The following MITF variants were observed in gnomAD, a reference collection of about 807,000 sequenced individuals.
The protein encoded by MITF is microphthalmia-associated transcription factor.
In MITF, 17 loss-of-function variants were observed where a neutral mutation model predicts 60.5. That is an observed-to-expected ratio of 0.28 (90% CI 0.19 to 0.42). MITF has a LOEUF of 0.42. Ranked by LOEUF, MITF falls within the 10% of genes least tolerant of loss-of-function variation. The pLI, the probability that MITF is intolerant of heterozygous loss-of-function variation, is 1.00. For synonymous variants in MITF, 260 were observed against 248.5 expected, an observed-to-expected ratio of 1.05 and a Z score of -0.43; for missense variants, 622 against 683.5, an observed-to-expected ratio of 0.91 and a Z score of 1.00.
chr3:69,834,521 T>C (rs948649325), intron 1 of MITF, among the ~76,000 whole-genome samples: 2 of 152,334 alleles, frequency 1.3e-5, no homozygotes, highest in South Asian at 4.1e-4. Context: ...TTTTTATGGC[T>C]GAGTAATATT....
chr3:69,880,831 A>G (rs975467690), intron 2 of MITF, among the ~76,000 whole-genome samples: 2 of 152,078 alleles, frequency 1.3e-5, no homozygotes, highest in African/African-American at 4.8e-5. Flanking sequence ...TATTCATCAT[A>G]ATAGTTCACC....
intron 1 of MITF, among the ~76,000 whole-genome samples, chr3:69,856,572 C>G (rs2063922586): frequency 6.6e-6 from 1 of 152,144 alleles, no homozygotes; most frequent in Non-Finnish European, 1.5e-5. Flanking sequence ...CTGTACATCT[C>G]TATTTGAGAT....
At chr3:69,744,168 C>T (rs940872527) in intron 1 of MITF, among the ~76,000 whole-genome samples, 6 of 152,194 alleles carry the variant, frequency 3.9e-5, no homozygotes, top group Non-Finnish European at 7.3e-5. Context: ...AAGACTGTTG[C>T]GTCACACGCA....
chr3:69,756,011 T>C (rs1704133306), intron 1 of MITF, among the ~76,000 whole-genome samples: 1 of 152,214 alleles, frequency 6.6e-6, no homozygotes, highest in Admixed American at 6.5e-5. Context: ...GCAGGTGGTA[T>C]TGACTCTCTC....
chr3:69,801,927 T>C (rs543051588), intron 1 of MITF, among the ~76,000 whole-genome samples: 2 of 152,294 alleles, frequency 1.3e-5, no homozygotes, highest in Non-Finnish European at 2.9e-5. Flanking sequence ...AATCAAGTGA[T>C]TTGTCTCTAT....
At chr3:69,925,763 C>T (rs2065571644) in intron 2 of MITF, among the ~76,000 whole-genome samples, 1 of 152,200 alleles carries the variant, frequency 6.6e-6, no homozygotes, top group Non-Finnish European at 1.5e-5. Flanking sequence ...TGCTGGGCTG[C>T]TTCCTACCTC....
intron 5 of MITF, among the ~76,000 whole-genome samples, chr3:69,947,456 C>T (rs1576025306): frequency 6.6e-6 from 1 of 152,086 alleles, no homozygotes; most frequent in Non-Finnish European, 1.5e-5. Context: ...GCAAGGTTGA[C>T]CCTGAGAAGG....
intron 2 of MITF, among the ~76,000 whole-genome samples, chr3:69,913,483 A>C (rs1307220138): frequency 1.3e-5 from 2 of 152,168 alleles, no homozygotes; most frequent in Admixed American, 1.3e-4. Context: ...TTAGTAATCT[A>C]AGGTTTTTCT....
chr3:69,819,229 A>G (rs1296620168), intron 1 of MITF, among the ~76,000 whole-genome samples: 1 of 152,210 alleles, frequency 6.6e-6, no homozygotes, highest in Non-Finnish European at 1.5e-5. Context: ...CTTCTTCCTC[A>G]AAGGCCCATC....
In MITF at chr3:69,879,497, T is replaced by C. The variant is rs1251546335; in HGVS notation, c.354+114T>C. 7.8e-6 allele frequency: 12 copies of C among 1,535,052 alleles called. No individual in the cohort carries two copies. The East Asian group carries it at 1.7e-4, about 21-fold the overall frequency. ...TTAGACTGACCCTTCAGAATTATAT[T>C]TGAAAACTCCAACTCCCTTAATTCT... On this transcript the variant is annotated intron_variant, in intron 2 of 9. Transcript: ENST00000352241.
chr3:69,777,873 G>A (rs778249009), intron 1 of MITF, among the ~76,000 whole-genome samples: 1 of 152,130 alleles, frequency 6.6e-6, no homozygotes, highest in African/African-American at 2.4e-5. Context: ...AAGAAGGGTG[G>A]GCTTTATTAG....
chr3:69,936,705 G>A, intron 2 of MITF: 1 of 1,613,492 alleles, frequency 6.2e-7, no homozygotes, highest in Non-Finnish European at 8.5e-7. Flanking sequence ...CTGGATTGGT[G>A]CCACCTAAAA....
intron 1 of MITF, among the ~76,000 whole-genome samples, chr3:69,820,839 C>T (rs930291013): frequency 6.6e-6 from 1 of 151,956 alleles, no homozygotes; most frequent in African/African-American, 2.4e-5. Context: ...ATACAAGTGT[C>T]AACATAGAAA....
At chr3:69,958,802 T>C (rs2066464221) in intron 8 of MITF, among the ~76,000 whole-genome samples, 1 of 152,172 alleles carries the variant, frequency 6.6e-6, no homozygotes. Flanking sequence ...ACAAGTTGAA[T>C]TGTGTCTGTT....
At chr3:69,837,597 C>A (rs995080185) in intron 1 of MITF, among the ~76,000 whole-genome samples, 1 of 152,144 alleles carries the variant, frequency 6.6e-6, no homozygotes, top group Admixed American at 6.5e-5. Flanking sequence ...CTTGATCTAA[C>A]TGGGAGAAAA....
chr3:69,875,480 A>C (rs972746836), intron 1 of MITF, among the ~76,000 whole-genome samples: 3 of 152,328 alleles, frequency 2.0e-5, no homozygotes, highest in Middle Eastern at 3.4e-3. Context: ...TTGTTGAATA[A>C]ATGACCTTTA....
At chr3:69,958,835 C>T (rs1323933650) in intron 8 of MITF, among the ~76,000 whole-genome samples, 1 of 152,154 alleles carries the variant, frequency 6.6e-6, no homozygotes, top group Non-Finnish European at 1.5e-5. Flanking sequence ...CAGTCTCTCT[C>T]TTACAAGGTG....
intron 1 of MITF, among the ~76,000 whole-genome samples, chr3:69,878,717 G>A (rs147242089): frequency 2.6e-5 from 4 of 152,118 alleles, no homozygotes; most frequent in African/African-American, 9.6e-5. Flanking sequence ...TAACATGTAG[G>A]AGTAGTTATT....
At chr3:69,834,101 A>G (rs1323467420) in intron 1 of MITF, among the ~76,000 whole-genome samples, 4 of 152,220 alleles carry the variant, frequency 2.6e-5, no homozygotes, top group Admixed American at 1.3e-4. Context: ...GTGTTGCATA[A>G]TGATCAAATC....
Sources: allele counts gnomAD v4.1 joint callset (sites outside exome capture counted in the v4.1 genomes callset), GRCh38; gene constraint gnomAD v4.1.1; transcripts MANE v1.5; gene names NCBI Gene and HGNC (gene_info 2026-07-23, HGNC 2026-07-21).